The following PRKG1 variants were observed in gnomAD, a reference collection of about 807,000 sequenced individuals.
The protein encoded by PRKG1 is protein kinase cGMP-dependent 1.
Under a neutral mutation model 88.1 loss-of-function variants are expected in PRKG1, and 35 were observed. That is an observed-to-expected ratio of 0.40 (90% CI 0.30 to 0.53). The LOEUF is 0.53. Among genes scored for constraint, PRKG1 ranks in the 20% least tolerant of loss-of-function variants. The pLI, the probability that PRKG1 is intolerant of heterozygous loss-of-function variation, is 0.59. For synonymous variants in PRKG1, 303 were observed against 292.5 expected (o/e 1.04, Z -0.37); for missense variants, 540 against 839.8 (o/e 0.64, Z 4.41).
At chr10:51,121,140 C>T (rs371429631) in intron 1 of PRKG1, among the ~76,000 whole-genome samples, 2 of 152,104 alleles carry the variant, frequency 1.3e-5, no homozygotes, top group East Asian at 3.9e-4. Flanking sequence ...TTACAAGTAT[C>T]GTGGTGATTA....
intron 7 of PRKG1, among the ~76,000 whole-genome samples, chr10:52,097,553 T>C (rs1036488690): frequency 1.3e-5 from 2 of 152,070 alleles, no homozygotes; most frequent in Non-Finnish European, 2.9e-5. Flanking sequence ...TCAGCATTTG[T>C]TTTGTTTTGT....
intron 5 of PRKG1, among the ~76,000 whole-genome samples, chr10:51,958,050 C>A (rs755221928): frequency 2.6e-5 from 4 of 152,032 alleles, no homozygotes; most frequent in Non-Finnish European, 4.4e-5. Context: ...ATAACAAGCA[C>A]TCTTTAATTT....
At chr10:52,156,907 G>A (rs180789601) in intron 8 of PRKG1, among the ~76,000 whole-genome samples, 1 of 151,752 alleles carries the variant, frequency 6.6e-6, no homozygotes, top group African/African-American at 2.4e-5. Flanking sequence ...GGTATAGCCT[G>A]TGAAATTAAG....
intron 4 of PRKG1, among the ~76,000 whole-genome samples, chr10:51,897,168 G>A (rs543489395): frequency 3.3e-4 from 51 of 152,316 alleles, no homozygotes; most frequent in African/African-American, 1.1e-3. Context: ...TAATAAGCTT[G>A]CTAAGGGGAA....
chr10:51,054,636 A>G lies in PRKG1; in HGVS notation c.266+62992A>G, dbSNP rs527974857. Among the ~76,000 whole-genome samples the G allele has an allele frequency of 1.3e-4, 20 of 152,324 alleles. No homozygotes were observed. The South Asian group carries it at 3.5e-3, about 27-fold the overall frequency. On this transcript the variant is annotated intron_variant, in intron 1 of 17. Coordinates refer to the PRKG1 transcript ENST00000401604. Reference sequence around the variant, plus strand: ...GATTACCAAAGCATGAGTTTTGGTGATAGGCATATCTAGGTGTGCATAGAA... The same window carrying G: ...GATTACCAAAGCATGAGTTTTGGTGGTAGGCATATCTAGGTGTGCATAGAA...
In PRKG1 at chr10:51,222,277, G is replaced by T. The variant is rs536398807; in HGVS notation, c.478+68947G>T. 1.1e-3 allele frequency among the ~76,000 whole-genome samples: 165 copies of T among 152,240 alleles called. 1 individual carries two copies. The highest frequency in any genetic ancestry group is 3.9e-3 in the African/African-American group (161 of 41,552). ...TTCACTTGTCTACTCTAAGACCAAAGTTACTTCAAAATAAGGGTTTTGTTG... is the reference window on the plus strand; with the variant it reads ...TTCACTTGTCTACTCTAAGACCAAATTTACTTCAAAATAAGGGTTTTGTTG... On this transcript the variant is annotated intron_variant, in intron 2 of 17. Coordinates refer to ENST00000373980, the MANE Select transcript of PRKG1 (RefSeq NM_006258.4).
intron 5 of PRKG1, among the ~76,000 whole-genome samples, chr10:51,940,378 C>A (rs1370798603): frequency 6.6e-6 from 1 of 151,816 alleles, no homozygotes; most frequent in Non-Finnish European, 1.5e-5. Flanking sequence ...GTACTTTTCT[C>A]CAAAGGTTAA....
At chr10:51,304,566 C>T (rs1840982982) in intron 2 of PRKG1, among the ~76,000 whole-genome samples, 1 of 151,362 alleles carries the variant, frequency 6.6e-6, no homozygotes, top group Admixed American at 6.6e-5. Context: ...ATGTGCCATG[C>T]TGCTGTGCTG....
At chr10:51,973,180 T>G (rs1843750417) in intron 5 of PRKG1, among the ~76,000 whole-genome samples, 1 of 152,166 alleles carries the variant, frequency 6.6e-6, no homozygotes, top group Admixed American at 6.6e-5. Flanking sequence ...CATGGCTTCA[T>G]TAGCACCTCC....
chr10:51,234,308 AT>A (rs1372005118), intron 2 of PRKG1, among the ~76,000 whole-genome samples: 1 of 152,092 alleles, frequency 6.6e-6, no homozygotes, highest in Admixed American at 6.6e-5. Context: ...TAACTAATGA[AT>A]TCCTTTTCTG....
intron 2 of PRKG1, among the ~76,000 whole-genome samples, chr10:51,329,847 T>C (rs914005794): frequency 6.6e-6 from 1 of 151,856 alleles, no homozygotes; most frequent in Non-Finnish European, 1.5e-5. Context: ...TTATAAGTTA[T>C]TTGCTTCATT....
chr10:51,596,427 C>T (rs1838450734), intron 3 of PRKG1, among the ~76,000 whole-genome samples: 1 of 152,054 alleles, frequency 6.6e-6, no homozygotes. Context: ...TGAAGAGTAA[C>T]CTGAAATGGA....
chr10:51,638,310 G>C (rs1039581121), intron 3 of PRKG1, among the ~76,000 whole-genome samples: 2 of 152,130 alleles, frequency 1.3e-5, no homozygotes. Flanking sequence ...AGTCACAGCC[G>C]TAAAGACACA....
chr10:51,559,823 T>A (rs1837410500), intron 3 of PRKG1, among the ~76,000 whole-genome samples: 1 of 152,080 alleles, frequency 6.6e-6, no homozygotes, highest in Non-Finnish European at 1.5e-5. Context: ...TATATCTTAA[T>A]CCATTATTGT....
intron 2 of PRKG1, among the ~76,000 whole-genome samples, chr10:51,453,064 CT>C (rs1839482170): frequency 6.6e-6 from 1 of 151,804 alleles, no homozygotes; most frequent in Admixed American, 6.6e-5. Flanking sequence ...TTTAGATGTT[CT>C]AGTTTGTGCA....
At chr10:51,047,617 CA>C (rs142049774) in intron 1 of PRKG1, among the ~76,000 whole-genome samples, 1,750 of 125,814 alleles carry the variant, frequency 0.014, 19 homozygotes, top group African/African-American at 0.033. Flanking sequence ...TTATTATTTC[CA>C]AAAAAAAAAA....
At chr10:51,036,987 C>CA (rs1843361140) in intron 1 of PRKG1, among the ~76,000 whole-genome samples, 2 of 152,112 alleles carry the variant, frequency 1.3e-5, no homozygotes, top group Non-Finnish European at 2.9e-5. Flanking sequence ...CTAATGTTAA[C>CA]AAATTCTAAA....
chr10:51,022,475 T>C (rs915563424), intron 1 of PRKG1, among the ~76,000 whole-genome samples: 4 of 152,176 alleles, frequency 2.6e-5, no homozygotes, highest in African/African-American at 9.7e-5. Context: ...TTTTATTTTG[T>C]TGCCTCTCCA....
chr10:51,321,618 G>A (rs1225468196), intron 2 of PRKG1, among the ~76,000 whole-genome samples: 1 of 152,088 alleles, frequency 6.6e-6, no homozygotes, highest in Non-Finnish European at 1.5e-5. Context: ...CAGAGGCTGG[G>A]AAGGGTAGTA....
Sources: allele counts gnomAD v4.1 joint callset (sites outside exome capture counted in the v4.1 genomes callset), GRCh38; gene constraint gnomAD v4.1.1; transcripts MANE v1.5; gene names NCBI Gene and HGNC (gene_info 2026-07-23, HGNC 2026-07-21).